MGAT5: variants seen among roughly 807,000 people sequenced by gnomAD.
MGAT5 encodes the protein alpha-1,6-mannosylglycoprotein 6-beta-N-acetylglucosaminyltransferase A.
MGAT5 carries 30 observed loss-of-function variants against 94.3 expected under a neutral mutation model. The observed-to-expected ratio is 0.32, with a 90% CI of 0.24 to 0.43. The LOEUF is 0.43. MGAT5 is among the 20% of genes least tolerant of loss of function. The pLI is 1.00. For missense variants in MGAT5, 691 were observed against 905.5 expected, an observed-to-expected ratio of 0.76 and a Z score of 3.04; for synonymous variants, 310 against 322.9, an observed-to-expected ratio of 0.96 and a Z score of 0.43.
At chr2:134,391,009 C>G (rs1433183383) in intron 10 of MGAT5, among the ~76,000 whole-genome samples, 2 of 152,156 alleles carry the variant, frequency 1.3e-5, no homozygotes, top group African/African-American at 2.4e-5. Flanking sequence ...TAGCATGTGT[C>G]AATTGAGCAA....
chr2:134,207,612 G>C (rs550796963), intron 1 of MGAT5, among the ~76,000 whole-genome samples: 1 of 151,876 alleles, frequency 6.6e-6, no homozygotes, highest in African/African-American at 2.4e-5. Context: ...TTGCTTACCA[G>C]AGATACTGAT....
intron 12 of MGAT5, among the ~76,000 whole-genome samples, chr2:134,415,101 A>AT (rs1683893400): frequency 6.6e-6 from 1 of 152,196 alleles, no homozygotes. Flanking sequence ...CTGCTTTAAC[A>AT]TACTGATTTT....
chr2:134,243,736 T>G (rs1035403800), intron 1 of MGAT5, among the ~76,000 whole-genome samples: 1 of 152,094 alleles, frequency 6.6e-6, no homozygotes, highest in African/African-American at 2.4e-5. Context: ...AGCTAGTTCA[T>G]TTTTTTAACC....
chr2:134,358,601 G>A (rs1195730527), intron 9 of MGAT5, among the ~76,000 whole-genome samples: 3 of 151,858 alleles, frequency 2.0e-5, no homozygotes, highest in African/African-American at 4.8e-5. Flanking sequence ...CTGGCGCTGG[G>A]GTTTCTTCTC....
At chr2:134,390,922 C>T (rs1682362383) in intron 10 of MGAT5, among the ~76,000 whole-genome samples, 1 of 152,154 alleles carries the variant, frequency 6.6e-6, no homozygotes, top group Non-Finnish European at 1.5e-5. Flanking sequence ...ATCTTTTATG[C>T]CATCTCTCAG....
At chr2:134,164,180 A>G (rs1687862474) in intron 1 of MGAT5, among the ~76,000 whole-genome samples, 1 of 152,192 alleles carries the variant, frequency 6.6e-6, no homozygotes, top group Non-Finnish European at 1.5e-5. Flanking sequence ...CAGGCTTTTA[A>G]TTCCTGAAAA....
At chr2:134,152,846 A>G (rs2105020849) in intron 1 of MGAT5, among the ~76,000 whole-genome samples, 1 of 151,908 alleles carries the variant, frequency 6.6e-6, no homozygotes, top group African/African-American at 2.4e-5. Context: ...AGTCCAAAGG[A>G]ACTTGTCAAA....
chr2:134,237,759 T>TG lies in MGAT5; in HGVS notation c.-142-16503_-142-16502insG, dbSNP rs1315605728. Among the ~76,000 whole-genome samples, 10 of 134,636 alleles carry TG rather than the reference T, an allele frequency of 7.4e-5. 1 individual carries two copies. The highest frequency in any genetic ancestry group is 1.1e-4 in the Non-Finnish European group (7 of 62,992). The allele number at this position is 134,636 out of a possible 152,430, so 88.3% of individuals were successfully genotyped here. On this transcript the variant is annotated intron_variant, in intron 1 of 16. Coordinates refer to the MGAT5 transcript ENST00000409645. The stretch of plus-strand genomic sequence containing the variant: ...GGAGTGCAGTTTTTGTTTTTGTTTT[T>TG]TTTTTTTTTGAGATGGAGTCTTGCT...
At chr2:134,257,054 T>G (rs1683007298) in intron 1 of MGAT5, among the ~76,000 whole-genome samples, 1 of 152,102 alleles carries the variant, frequency 6.6e-6, no homozygotes, top group Non-Finnish European at 1.5e-5. Flanking sequence ...ATCTCAGGGG[T>G]CTCTACCCAC....
At chr2:134,327,903 A>T (rs1021790285) in intron 4 of MGAT5, among the ~76,000 whole-genome samples, 5 of 152,170 alleles carry the variant, frequency 3.3e-5, no homozygotes, top group African/African-American at 7.2e-5. Flanking sequence ...TGCCTAAAAT[A>T]TGACTACCTC....
intron 10 of MGAT5, among the ~76,000 whole-genome samples, chr2:134,376,459 A>C (rs1558837295): frequency 6.6e-6 from 1 of 152,184 alleles, no homozygotes; most frequent in Non-Finnish European, 1.5e-5. Context: ...GATAACGTTT[A>C]CTTCGAAGGA....
At chr2:134,303,775 T>C (rs1416414326) in intron 2 of MGAT5, among the ~76,000 whole-genome samples, 2 of 152,152 alleles carry the variant, frequency 1.3e-5, no homozygotes, top group Non-Finnish European at 2.9e-5. Flanking sequence ...GGCTCCCTCT[T>C]TTTGGGAATA....
At chr2:134,326,200 T>C (rs971517814) in intron 4 of MGAT5, among the ~76,000 whole-genome samples, 1 of 152,072 alleles carries the variant, frequency 6.6e-6, no homozygotes, top group Non-Finnish European at 1.5e-5. Context: ...AGGAAATTCA[T>C]AGAAGAAACC....
chr2:134,421,398 A>G (rs1233315560), intron 12 of MGAT5, among the ~76,000 whole-genome samples: 1 of 152,126 alleles, frequency 6.6e-6, no homozygotes, highest in Non-Finnish European at 1.5e-5. Context: ...AACCTGGCCA[A>G]CATGATGAAA....
At chr2:134,260,466 A>G (rs1683252836) in intron 1 of MGAT5, among the ~76,000 whole-genome samples, 1 of 152,190 alleles carries the variant, frequency 6.6e-6, no homozygotes. Context: ...AAAGGTTAGC[A>G]GCTGCCCTGT....
intron 1 of MGAT5, among the ~76,000 whole-genome samples, chr2:134,198,283 A>G (rs758519864): frequency 2.0e-5 from 3 of 152,190 alleles, no homozygotes; most frequent in Non-Finnish European, 2.9e-5. Context: ...TAGGCAACCC[A>G]TGTGCACTGT....
intron 2 of MGAT5, among the ~76,000 whole-genome samples, chr2:134,282,074 G>A (rs1684731278): frequency 2.0e-5 from 3 of 152,166 alleles, no homozygotes; most frequent in Non-Finnish European, 4.4e-5. Context: ...ATGGTTGTGT[G>A]TTCAGGTTTT....
At chr2:134,308,113 G>A (rs1357104028) in intron 2 of MGAT5, among the ~76,000 whole-genome samples, 2 of 152,138 alleles carry the variant, frequency 1.3e-5, no homozygotes. Flanking sequence ...AGGCTCAATC[G>A]AGTAATCGGT....
intron 1 of MGAT5, among the ~76,000 whole-genome samples, chr2:134,123,525 AC>A (rs1233939605): frequency 1.3e-5 from 2 of 152,200 alleles, no homozygotes; most frequent in Non-Finnish European, 2.9e-5. Context: ...GTAGGGACTC[AC>A]TGTCTTCCTT....
Sources: gnomAD v4.1 joint callset for allele counts (sites outside exome capture counted in the v4.1 genomes callset) on GRCh38, gnomAD v4.1.1 for gene constraint, MANE v1.5 for transcripts, NCBI Gene and HGNC (gene_info 2026-07-23, HGNC 2026-07-21) for gene names.